The following COPG1 variants were observed in gnomAD, a reference collection of about 807,000 sequenced individuals.
COPG1 encodes the protein coat protein complex I subunit gamma 1.
COPG1 carries 29 observed loss-of-function variants against 102.8 expected under a neutral mutation model. The ratio of observed to expected loss-of-function variants is 0.28; its 90% confidence interval spans 0.21 to 0.38. COPG1 has a LOEUF of 0.38. COPG1 is among the 10% of genes least tolerant of loss of function. The pLI, the probability that COPG1 is intolerant of heterozygous loss-of-function variation, is 1.00. For synonymous variants in COPG1, 406 were observed against 421.6 expected, an observed-to-expected ratio of 0.96 and a Z score of 0.45; for missense variants, 875 against 1,132.7, an observed-to-expected ratio of 0.77 and a Z score of 3.27.
intron 5 of COPG1, among the ~76,000 whole-genome samples, chr3:129,254,092 T>C (rs1037117518): frequency 1.4e-5 from 2 of 141,840 alleles, no homozygotes; most frequent in Non-Finnish European, 3.0e-5. Context: ...AGGTCGGGAG[T>C]TCAAGACCAG....
At position 129,271,149 on chromosome 3, in the gene COPG1, C is replaced by G. The variant is rs529622595; in HGVS notation, c.1844-618C>G. Among the ~76,000 whole-genome samples the G allele has an allele frequency of 6.6e-6, 1 of 152,138 alleles. No individual in the cohort carries two copies. The highest frequency in any genetic ancestry group is 2.1e-4 in the South Asian group (1 of 4,826). ...CACTTGGGTTATTCCCTTTAGTTTG[C>G]AAGGAATGCCAGGACCAGCCAGGGT... On this transcript the variant is annotated intron_variant, in intron 18 of 23. Transcript: ENST00000314797. This position sits in a 1 kb window ranked among gnomAD's most constrained non-coding sequence, Gnocchi z 4.7.
intron 10 of COPG1, among the ~76,000 whole-genome samples, chr3:129,259,677 CAGT>C (rs888630258): frequency 2.0e-5 from 3 of 152,058 alleles, no homozygotes; most frequent in African/African-American, 4.8e-5. Context: ...TTCCAGAAAA[CAGT>C]AGTCATCTTC....
chr3:129,252,529 C>G (rs1413802072), intron 3 of COPG1, 94 bp from the exon 4 acceptor site: 2 of 1,177,204 alleles, frequency 1.7e-6, no homozygotes, highest in African/African-American at 1.5e-5. Context: ...CCTTGAGCCT[C>G]TTTAGGGTCT....
intron 12 of COPG1, 76 bp from the exon 13 acceptor site, chr3:129,263,828 C>A: frequency 1.6e-6 from 2 of 1,254,944 alleles, no homozygotes; most frequent in Non-Finnish European, 2.3e-6. Flanking sequence ...AGGAAGGACT[C>A]AGTGGGCACT....
chr3:129,267,579 C>T (rs139813046), intron 15 of COPG1, among the ~76,000 whole-genome samples: 35 of 152,252 alleles, frequency 2.3e-4, no homozygotes, highest in African/African-American at 8.2e-4. Flanking sequence ...CGAGATCATG[C>T]CCCGCATTCC....
chr3:129,258,912 T>C (rs1448374256), intron 10 of COPG1, among the ~76,000 whole-genome samples: 2 of 152,092 alleles, frequency 1.3e-5, no homozygotes, highest in African/African-American at 4.8e-5. Context: ...AAAGTGGATA[T>C]GTTGAGAGGC....
At chr3:129,268,877 A>G in intron 17 of COPG1, 55 bp from the exon 18 acceptor site, 1 of 1,506,580 alleles carries the variant, frequency 6.6e-7, no homozygotes, top group South Asian at 1.1e-5. Flanking sequence ...GGTCACCACC[A>G]CACTGCCCCG....
At chr3:129,273,986 G>C (rs539569864) in intron 21 of COPG1, 36 of 455,404 alleles carry the variant, frequency 7.9e-5, no homozygotes, top group South Asian at 5.6e-4. Flanking sequence ...CCTGTGGATG[G>C]GGACTGTTAG....
chr3:129,274,412 T>C (rs1322812702), intron 21 of COPG1, among the ~76,000 whole-genome samples: 2 of 152,168 alleles, frequency 1.3e-5, no homozygotes, highest in African/African-American at 2.4e-5. Flanking sequence ...GTAGGAGGTT[T>C]CTGCTAGTTT....
In COPG1 at chr3:129,257,608, C is replaced by G. The variant is rs62266876; in HGVS notation, c.718C>G (p.Leu240Val). ...GATGATCCGGGTGGCCAGCAAGCAG[C>G]TGGAAGAGGAGGATGGCAGGTAACG... ...CMMIRVASKQ[L>V]EEEDGSRDSP... is the part of the protein sequence containing the mutation. Residue 240 changes from leucine to valine, a missense_variant, in exon 9 of 24, where the codon CTG becomes GTG. Coordinates refer to ENST00000314797, the MANE Select transcript of COPG1 (RefSeq NM_016128.4). 140,190 of 1,614,158 alleles carry G rather than the reference C, an allele frequency of 0.087. 6,479 individuals carry two copies. The highest frequency in any genetic ancestry group is 0.15 in the Middle Eastern group (895 of 6,062).
chr3:129,264,108 C>A, intron 13 of COPG1, 109 bp downstream of exon 13: 2 of 910,930 alleles, frequency 2.2e-6, no homozygotes, highest in South Asian at 1.4e-5. Context: ...GCCTGTTAAC[C>A]AACTGGTTTT....
chr3:129,270,851 G>T (rs1361148794), intron 18 of COPG1, among the ~76,000 whole-genome samples: 2 of 152,208 alleles, frequency 1.3e-5, no homozygotes, highest in Non-Finnish European at 2.9e-5. Flanking sequence ...AAATCTTAGA[G>T]CAGTGGTCTT....
At chr3:129,252,176 CCT>C (rs1486944434) in intron 2 of COPG1, 103 bp from the exon 3 acceptor site, 18 of 768,586 alleles carry the variant, frequency 2.3e-5, no homozygotes, top group Middle Eastern at 2.4e-4. Context: ...CCCAGAAAGC[CCT>C]GTTTAGACAA....
In COPG1 at chr3:129,269,606, C is replaced by T. The variant is rs143635498; in HGVS notation, c.1843+606C>T. Among the ~76,000 whole-genome samples, 546 of 152,188 alleles carry T rather than the reference C, an allele frequency of 3.6e-3. 3 individuals are homozygous for T. The highest frequency in any genetic ancestry group is 0.012 in the African/African-American group (502 of 41,506). ...CACATGTTCTGTCTTTTATTTTCTG[C>T]GTCTATCACAGCACTGAGCCCAGTG... On this transcript the variant is annotated intron_variant, in intron 18 of 23. Coordinates refer to ENST00000314797, the MANE Select transcript of COPG1 (RefSeq NM_016128.4).
In COPG1 at chr3:129,272,155, T is replaced by C. The variant is rs6771809; in HGVS notation, c.1987-89T>C. 0.14 allele frequency: 179,066 copies of C among 1,268,236 alleles called. 20,390 individuals carry two copies. The highest frequency in any genetic ancestry group is 0.57 in the African/African-American group (38,746 of 67,734). The allele number at this position is 1,268,236 out of a possible 1,614,324, so 78.6% of individuals were successfully genotyped here. Reference sequence around the variant, plus strand: ...CTGGGATGGGAATCACCTTGGTCAATAGGAAAGAGGTGGGACCTCCTGGCT... The same window carrying C: ...CTGGGATGGGAATCACCTTGGTCAACAGGAAAGAGGTGGGACCTCCTGGCT... On this transcript the variant is annotated intron_variant, in intron 19 of 23. Coordinates refer to ENST00000314797, the MANE Select transcript of COPG1 (RefSeq NM_016128.4).
At chr3:129,253,431 T>C (rs1429582463) in intron 5 of COPG1, among the ~76,000 whole-genome samples, 1 of 152,152 alleles carries the variant, frequency 6.6e-6, no homozygotes. Context: ...GATTTGTAGG[T>C]TCAGTTAGAA....
At chr3:129,265,858 G>T in intron 14 of COPG1, 66 bp downstream of exon 14, 1 of 1,534,288 alleles carries the variant, frequency 6.5e-7, no homozygotes, top group Non-Finnish European at 8.9e-7. Context: ...CCAGCAAAGG[G>T]ACCTGAGCCT....
At position 129,257,838 on chromosome 3, in the gene COPG1, A is replaced by C. The variant is rs765410626; in HGVS notation, c.849A>C (p.Lys283Asn). 2.5e-6 allele frequency: 4 copies of C among 1,613,756 alleles called. No individual in the cohort carries two copies. The highest frequency in any genetic ancestry group is 1.3e-5 in the African/African-American group (1 of 75,050). The change falls in exon 10 of 24, where the codon AAA becomes AAC. Residue 283 changes from lysine (K) to asparagine (N), a missense_variant. Physicochemically the swap from Lys to Asn is moderately conservative, Grantham distance 94. Transcript: ENST00000314797. ...AIVNLPGCSAKELAPAVSVLQ... is the reference protein window; with the variant it reads ...AIVNLPGCSANELAPAVSVLQ... ...TCAATCTGCCAGGCTGCAGTGCCAAAGAGCTGGCCCCGGCTGTGTCAGGTC... is the reference window on the plus strand; with the variant it reads ...TCAATCTGCCAGGCTGCAGTGCCAACGAGCTGGCCCCGGCTGTGTCAGGTC...
rs766000841 is a variant in COPG1 at position 129,252,339 on chromosome 3, A to C, written c.149A>C (p.Lys50Thr). Reference protein sequence around the residue: ...NPRKCAHILTKILYLINQGEH... With the variant: ...NPRKCAHILTTILYLINQGEH... The stretch of plus-strand genomic sequence containing the variant: ...CGGAAATGTGCCCACATCCTCACCA[A>C]GATTCTTTATCTCATAAACCAGGTA... The change falls in exon 3 of 24, where the codon AAG becomes ACG. Residue 50 changes from lysine to threonine, a missense_variant. Coordinates refer to ENST00000314797, the MANE Select transcript of COPG1 (RefSeq NM_016128.4). 1.9e-6 allele frequency: 3 copies of C among 1,612,400 alleles called. No individual in the cohort carries two copies. The highest frequency in any genetic ancestry group is 2.5e-6 in the Non-Finnish European group (3 of 1,178,464).
Sources: allele counts gnomAD v4.1 joint callset (sites outside exome capture counted in the v4.1 genomes callset), GRCh38; gene constraint gnomAD v4.1.1; non-coding constraint Gnocchi (gnomAD v3.1); transcripts MANE v1.5; gene names NCBI Gene and HGNC (gene_info 2026-07-23, HGNC 2026-07-21).